GRM7: variants seen among roughly 807,000 people sequenced by gnomAD.
The protein encoded by GRM7 is metabotropic glutamate receptor 7.
A neutral mutation model predicts 84.5 loss-of-function variants in GRM7; 35 were observed. That is an observed-to-expected ratio of 0.41 (90% CI 0.32 to 0.55). GRM7 has a LOEUF of 0.55. Ranked by LOEUF, GRM7 falls within the 20% of genes least tolerant of loss-of-function variation. GRM7 has a pLI of 0.19. For synonymous variants in GRM7, 487 were observed against 455.1 expected, an observed-to-expected ratio of 1.07 and a Z score of -0.89; for missense variants, 1,003 against 1,194.6, an observed-to-expected ratio of 0.84 and a Z score of 2.36.
intron 4 of GRM7, among the ~76,000 whole-genome samples, chr3:7,313,704 C>T (rs1016121325): frequency 1.1e-4 from 17 of 152,026 alleles, no homozygotes; most frequent in African/African-American, 4.1e-4. Context: ...TAATATATAT[C>T]CCTATATTTA....
chr3:7,025,781 A>C (rs1294306333), intron 1 of GRM7, among the ~76,000 whole-genome samples: 1 of 152,102 alleles, frequency 6.6e-6, no homozygotes, highest in Non-Finnish European at 1.5e-5. Context: ...ATTAGAGGGG[A>C]TTAGTAAGTG....
At chr3:7,124,472 C>T (rs1181511778) in intron 1 of GRM7, among the ~76,000 whole-genome samples, 1 of 152,148 alleles carries the variant, frequency 6.6e-6, no homozygotes, top group Non-Finnish European at 1.5e-5. Context: ...CACCATTGCG[C>T]TCCAACCTGG....
At chr3:6,946,097 C>A (rs1698068991) in intron 1 of GRM7, among the ~76,000 whole-genome samples, 1 of 152,264 alleles carries the variant, frequency 6.6e-6, no homozygotes, top group Non-Finnish European at 1.5e-5. Flanking sequence ...TCTTTTGTTG[C>A]CATTGCTTTT....
Position 7,652,945 on chromosome 3 carries a change from C to T in GRM7, c.2452-27104C>T, listed in dbSNP as rs183794546. On this transcript the variant is annotated intron_variant, in intron 8 of 9. Transcript: ENST00000357716. Reference sequence around the variant, plus strand: ...TGGAGTTTTTCACATCAGGCACATCCCTGGTTCAGGCTGAACTCACCATCC... The same window carrying T: ...TGGAGTTTTTCACATCAGGCACATCTCTGGTTCAGGCTGAACTCACCATCC... Among the ~76,000 whole-genome samples, 12 of 152,202 alleles carry T rather than the reference C, an allele frequency of 7.9e-5. 1 individual carries two copies. The highest frequency in any genetic ancestry group is 2.9e-4 in the African/African-American group (12 of 41,546).
chr3:7,051,894 A>G (rs192186485), intron 1 of GRM7, among the ~76,000 whole-genome samples: 30 of 151,944 alleles, frequency 2.0e-4, no homozygotes, highest in Non-Finnish European at 3.5e-4. Flanking sequence ...TTTATTTAAT[A>G]GTTTAGAAAC....
intron 1 of GRM7, among the ~76,000 whole-genome samples, chr3:7,049,020 T>A (rs1696897914): frequency 2.0e-5 from 3 of 151,976 alleles, no homozygotes; most frequent in Non-Finnish European, 4.4e-5. Flanking sequence ...GTGTTATTTA[T>A]CATCCAGAGA....
Position 7,365,645 on chromosome 3 carries a change from G to GTATATATATA in GRM7, c.1034-49377_1034-49376insATATATATAT, listed in dbSNP as rs201115893. Among the ~76,000 whole-genome samples the GTATATATATA allele has an allele frequency of 5.2e-3, 645 of 123,800 alleles. 6 individuals carry two copies. The highest frequency in any genetic ancestry group is 0.021 in the African/African-American group (615 of 29,994). 81.2% of individuals were successfully genotyped at this position (123,800 alleles called of 152,430 possible). On this transcript the variant is annotated intron_variant, in intron 4 of 9. Coordinates refer to ENST00000357716, the MANE Select transcript of GRM7 (RefSeq NM_000844.4). ...TTAATATGCATGTGTGTGTGCGTGT[G>GTATATATATA]TGTATATATATATATATATACACAC...
At chr3:7,484,734 G>T (rs1444008408) in intron 7 of GRM7, among the ~76,000 whole-genome samples, 1 of 152,172 alleles carries the variant, frequency 6.6e-6, no homozygotes, top group Non-Finnish European at 1.5e-5. Flanking sequence ...CTCCTTTTCT[G>T]ATTTAGCCTC....
chr3:7,650,018 TTTG>T (rs1335470458), intron 8 of GRM7, among the ~76,000 whole-genome samples: 2 of 152,224 alleles, frequency 1.3e-5, no homozygotes, highest in Non-Finnish European at 2.9e-5. Context: ...GGGTGACTTA[TTTG>T]TTTTTATGTT....
chr3:7,077,719 A>G (rs1698143112), intron 1 of GRM7, among the ~76,000 whole-genome samples: 1 of 152,096 alleles, frequency 6.6e-6, no homozygotes, highest in Admixed American at 6.6e-5. Flanking sequence ...CTTAAAGTAT[A>G]ATAATAAAAA....
At chr3:6,887,354 A>G (rs1043185452) in intron 1 of GRM7, among the ~76,000 whole-genome samples, 2 of 151,952 alleles carry the variant, frequency 1.3e-5, no homozygotes, top group South Asian at 2.1e-4. Context: ...AGCATTAGGT[A>G]TATCTCCTAA....
At chr3:7,394,346 A>G (rs542880226) in intron 4 of GRM7, among the ~76,000 whole-genome samples, 31 of 152,366 alleles carry the variant, frequency 2.0e-4, no homozygotes, top group African/African-American at 7.2e-4. Flanking sequence ...GCAGAGAAGT[A>G]AACATACAGA....
At chr3:6,947,821 G>A (rs1264783244) in intron 1 of GRM7, among the ~76,000 whole-genome samples, 1 of 152,172 alleles carries the variant, frequency 6.6e-6, no homozygotes, top group African/African-American at 2.4e-5. Flanking sequence ...ATTTCTTCTA[G>A]ATTTTCTAGT....
intron 1 of GRM7, among the ~76,000 whole-genome samples, chr3:6,953,918 C>T (rs1692904178): frequency 6.6e-6 from 1 of 151,900 alleles, no homozygotes; most frequent in Non-Finnish European, 1.5e-5. Flanking sequence ...GTCCCAGGCA[C>T]ATATAGAAAG....
chr3:7,413,134 G>A (rs766906426), intron 4 of GRM7, among the ~76,000 whole-genome samples: 4 of 152,118 alleles, frequency 2.6e-5, no homozygotes, highest in African/African-American at 4.8e-5. Flanking sequence ...AGAATCTTTA[G>A]GTTGCAGGAA....
At chr3:7,317,651 G>A (rs1190073457) in intron 4 of GRM7, among the ~76,000 whole-genome samples, 1 of 152,036 alleles carries the variant, frequency 6.6e-6, no homozygotes, top group African/African-American at 2.4e-5. Context: ...TGCTAAGTAG[G>A]CATGGATAGA....
intron 2 of GRM7, among the ~76,000 whole-genome samples, chr3:7,281,394 T>G (rs578086444): frequency 3.9e-5 from 6 of 152,186 alleles, no homozygotes; most frequent in African/African-American, 1.4e-4. Context: ...TGAGGGAGAT[T>G]GTGCCTAAAA....
At chr3:7,271,940 C>G (rs1380129657) in intron 2 of GRM7, among the ~76,000 whole-genome samples, 1 of 151,908 alleles carries the variant, frequency 6.6e-6, no homozygotes, top group Non-Finnish European at 1.5e-5. Flanking sequence ...TCTTTCTAAG[C>G]CCAGTCTGAA....
At chr3:7,272,877 T>C (rs1698916786) in intron 2 of GRM7, among the ~76,000 whole-genome samples, 9 of 152,056 alleles carry the variant, frequency 5.9e-5, no homozygotes, top group Admixed American at 5.9e-4. Flanking sequence ...ATTATTTTTC[T>C]CTTCTATGTA....
Sources: allele counts gnomAD v4.1 joint callset (sites outside exome capture counted in the v4.1 genomes callset), GRCh38; gene constraint gnomAD v4.1.1; transcripts MANE v1.5; gene names NCBI Gene and HGNC (gene_info 2026-07-23, HGNC 2026-07-21).